Variants in LEPROT observed in about 807,000 individuals in gnomAD.
The protein encoded by LEPROT is leptin receptor gene-related protein.
A neutral mutation model predicts 15.4 loss-of-function variants in LEPROT; 3 were observed. That is an observed-to-expected ratio of 0.19 (90% CI 0.09 to 0.50). The LOEUF is 0.50. Among genes scored for constraint, LEPROT ranks in the 20% least tolerant of loss-of-function variants. The pLI is 0.97. For synonymous variants in LEPROT, 59 were observed against 57.5 expected (o/e 1.03, Z -0.12); for missense variants, 137 against 162.2 (o/e 0.84, Z 0.84).
chr1:65,434,218 A>T lies in LEPROT; in HGVS notation c.*2299A>T. 1 of 980,000 alleles carries T rather than the reference A, an allele frequency of 1.0e-6. No homozygotes were observed. The highest frequency in any genetic ancestry group is 1.2e-6 in the Non-Finnish European group (1 of 824,984). 60.7% of individuals were successfully genotyped at this position (980,000 alleles called of 1,614,324 possible). A position where few individuals can be genotyped will look rare whatever the true frequency, so the allele number is the denominator to read the frequency against. ...TTCTGCAGTGCCTAAATATCATTTA[A>T]ACAGTAAATATTAATAGGAAATATT... On this transcript the variant is annotated 3_prime_UTR_variant, in exon 4 of 4. Coordinates refer to ENST00000371065, the MANE Select transcript of LEPROT (RefSeq NM_017526.5).
At chr1:65,420,869 G>C in intron 1 of LEPROT, 129 bp downstream of exon 1, 1 of 1,193,722 alleles carries the variant, frequency 8.4e-7, no homozygotes, top group Non-Finnish European at 1.2e-6. Context: ...TCTCCGGTTC[G>C]GGAGGCGATC....
At chr1:65,422,351 C>T (rs1192518490) in intron 1 of LEPROT, among the ~76,000 whole-genome samples, 1 of 152,130 alleles carries the variant, frequency 6.6e-6, no homozygotes, top group Non-Finnish European at 1.5e-5. Context: ...ACCATGCTGG[C>T]AACCACTGAG....
Position 65,435,162 on chromosome 1 carries a change from G to A in LEPROT, c.*3243G>A. The stretch of plus-strand genomic sequence containing the variant: ...ATCTCTTCCTCAGGAGGAGTTCTGA[G>A]CTGGTCCTGCTTTTCATAGTTGTTT... On this transcript the variant is annotated 3_prime_UTR_variant, in exon 4 of 4. Coordinates refer to ENST00000371065, the MANE Select transcript of LEPROT (RefSeq NM_017526.5). The A allele has an allele frequency of 1.0e-6, 1 of 985,392 alleles. No individual in the cohort carries two copies. The highest frequency in any genetic ancestry group is 1.2e-6 in the Non-Finnish European group (1 of 829,948). 61.0% of individuals were successfully genotyped at this position (985,392 alleles called of 1,614,324 possible).
intron 2 of LEPROT, among the ~76,000 whole-genome samples, chr1:65,428,979 T>A (rs1646432417): frequency 6.6e-6 from 1 of 152,178 alleles, no homozygotes; most frequent in South Asian, 2.1e-4. Context: ...TTTTCATGCC[T>A]TCCGTACTTA....
chr1:65,434,835 TCTC>T lies in LEPROT; in HGVS notation c.*2921_*2923del. ...TTCATATTCCAGAGTCACCCACCCT[TCTC>T]CTCCCATTAGTCAGTTCTCTAAGTA... On this transcript the variant is annotated 3_prime_UTR_variant, in exon 4 of 4. Transcript: ENST00000371065. 2 of 985,408 alleles carry T rather than the reference TCTC, an allele frequency of 2.0e-6. No homozygotes were observed. Among genetic ancestry groups the T allele is most frequent in the East Asian group, 2.3e-4 (2 of 8,808 alleles). 61.0% of individuals were successfully genotyped at this position (985,408 alleles called of 1,614,324 possible). A position where few individuals can be genotyped will look rare whatever the true frequency, so the allele number is the denominator to read the frequency against.
chr1:65,424,174 T>C (rs1273807127), intron 1 of LEPROT, among the ~76,000 whole-genome samples: 1 of 152,180 alleles, frequency 6.6e-6, no homozygotes, highest in East Asian at 1.9e-4. Flanking sequence ...GGCAAATACG[T>C]TCCTACTCCC....
At chr1:65,421,995 G>A (rs1311560579) in intron 1 of LEPROT, among the ~76,000 whole-genome samples, 2 of 152,160 alleles carry the variant, frequency 1.3e-5, no homozygotes, top group African/African-American at 4.8e-5. Flanking sequence ...GTTATTGGTG[G>A]GTGACAGAGC....
rs1403955167 is a variant in LEPROT, at chr1:65,435,970, G to A, written c.*4051G>A. 2.0e-6 allele frequency: 2 copies of A among 984,910 alleles called. No individual in the cohort carries two copies. Among genetic ancestry groups the A allele is most frequent in the Non-Finnish European group, 1.2e-6 (1 of 829,460 alleles). The allele number at this position is 984,910 out of a possible 1,614,324, so 61.0% of individuals were successfully genotyped here. A position where few individuals can be genotyped will look rare whatever the true frequency, so the allele number is the denominator to read the frequency against. On this transcript the variant is annotated 3_prime_UTR_variant, in exon 4 of 4. Coordinates refer to ENST00000371065, the MANE Select transcript of LEPROT (RefSeq NM_017526.5). ...AACCCCAAATGTGATGTGAGAGGAC[G>A]ATTACTTTGTAAATAAAACTTGTTA...
Position 65,434,892 on chromosome 1 carries a change from AAGC to A in LEPROT, c.*2976_*2978del. 1.0e-6 allele frequency: 1 copy of A among 985,484 alleles called. No homozygotes were observed. Among genetic ancestry groups the A allele is most frequent in the Non-Finnish European group, 1.2e-6 (1 of 829,940 alleles). 61.0% of individuals were successfully genotyped at this position (985,484 alleles called of 1,614,324 possible). A position where few individuals can be genotyped will look rare whatever the true frequency, so the allele number is the denominator to read the frequency against. The stretch of plus-strand genomic sequence containing the variant: ...CTGATGTCATGTGGTGCTGAGAAGA[AAGC>A]AGATCACACTTCATCACAGAAAGAA... On this transcript the variant is annotated 3_prime_UTR_variant, in exon 4 of 4. Transcript: ENST00000371065.
At chr1:65,421,211 C>G (rs1232169947) in intron 1 of LEPROT, 1 of 1,099,336 alleles carries the variant, frequency 9.1e-7, no homozygotes, top group Non-Finnish European at 1.2e-6. Flanking sequence ...CAGAGTTGAC[C>G]GCGGGCGGGT....
chr1:65,427,773 G>GT (rs1283224342), intron 2 of LEPROT: 12 of 403,086 alleles, frequency 3.0e-5, no homozygotes, highest in African/African-American at 2.5e-4. Flanking sequence ...TTAATTTTTT[G>GT]TTTTTTAGAG....
chr1:65,432,290 G>A lies in LEPROT; in HGVS notation c.*371G>A. On this transcript the variant is annotated 3_prime_UTR_variant, in exon 4 of 4. Transcript: ENST00000371065. ...GCTGAAGCAGGCCTCTCATGACCCAGGAAGGCCGGGGTGGATCCCTCTTTG... is the reference window on the plus strand; with the variant it reads ...GCTGAAGCAGGCCTCTCATGACCCAAGAAGGCCGGGGTGGATCCCTCTTTG... The A allele has an allele frequency of 1.0e-6, 1 of 995,610 alleles. No individual in the cohort carries two copies. The highest frequency in any genetic ancestry group is 1.2e-6 in the Non-Finnish European group (1 of 836,634). The allele number at this position is 995,610 out of a possible 1,614,324, so 61.7% of individuals were successfully genotyped here.
chr1:65,432,179 T>G lies in LEPROT; in HGVS notation c.*260T>G. The G allele has an allele frequency of 8.9e-7, 1 of 1,127,442 alleles. No homozygotes were observed. 69.8% of individuals were successfully genotyped at this position (1,127,442 alleles called of 1,614,324 possible). On this transcript the variant is annotated 3_prime_UTR_variant, in exon 4 of 4. Coordinates refer to ENST00000371065, the MANE Select transcript of LEPROT (RefSeq NM_017526.5). ...GTAGTCACGGTGCTCTCAGAAAATA[T>G]ATTAACGCAGTCTTGTAGGCAGCTG... is the stretch of plus-strand genomic sequence containing the variant.
chr1:65,427,169 C>G (rs1386331975), intron 2 of LEPROT, among the ~76,000 whole-genome samples: 1 of 152,168 alleles, frequency 6.6e-6, no homozygotes, highest in Non-Finnish European at 1.5e-5. Flanking sequence ...AGAGCCTTCA[C>G]AGCAATTACT....
rs746837693 is a variant in LEPROT, at chr1:65,425,292, A to T, written c.17-11A>T. Reference sequence around the variant, plus strand: ...TGTGGGAACTTTAACTTTTGGCTTTATTTTTCACAGCTCTCGTGGCATTAT... The same window carrying T: ...TGTGGGAACTTTAACTTTTGGCTTTTTTTTTCACAGCTCTCGTGGCATTAT... On this transcript the variant is annotated splice_polypyrimidine_tract_variant and intron_variant, in intron 1 of 3. Coordinates refer to ENST00000371065, the MANE Select transcript of LEPROT (RefSeq NM_017526.5). The T allele has an allele frequency of 4.3e-6, 7 of 1,611,264 alleles. No homozygotes were observed. In the African/African-American group the frequency reaches 9.4e-5, roughly 22 times the overall value.
intron 2 of LEPROT, among the ~76,000 whole-genome samples, chr1:65,426,527 G>A (rs1243034895): frequency 4.6e-5 from 7 of 152,064 alleles, no homozygotes; most frequent in Admixed American, 1.3e-4. Context: ...AATAGTAGGG[G>A]ACTACTATCA....
intron 1 of LEPROT, among the ~76,000 whole-genome samples, chr1:65,424,619 G>A (rs1029752948): frequency 2.6e-5 from 4 of 152,180 alleles, no homozygotes; most frequent in African/African-American, 7.2e-5. Flanking sequence ...ATTTTAGACT[G>A]GGTGGCTTAA....
chr1:65,432,543 T>C lies in LEPROT; in HGVS notation c.*624T>C. 1 of 848,238 alleles carries C rather than the reference T, an allele frequency of 1.2e-6. No homozygotes were observed. The highest frequency in any genetic ancestry group is 1.4e-6 in the Non-Finnish European group (1 of 706,446). 52.5% of individuals were successfully genotyped at this position (848,238 alleles called of 1,614,324 possible). On this transcript the variant is annotated 3_prime_UTR_variant, in exon 4 of 4. Coordinates refer to ENST00000371065, the MANE Select transcript of LEPROT (RefSeq NM_017526.5). ...CAGTGGCTAAACCACTTAACCTCTCTGGGTGTTACCTGCTCATTTGTTTAA... is the reference window on the plus strand; with the variant it reads ...CAGTGGCTAAACCACTTAACCTCTCCGGGTGTTACCTGCTCATTTGTTTAA...
At chr1:65,429,332 A>G (rs1646441418) in intron 2 of LEPROT, among the ~76,000 whole-genome samples, 2 of 152,300 alleles carry the variant, frequency 1.3e-5, no homozygotes, top group South Asian at 2.1e-4. Context: ...CAAGGGACAG[A>G]AAAAAGGCTG....
Sources: allele counts gnomAD v4.1 joint callset (sites outside exome capture counted in the v4.1 genomes callset), GRCh38; gene constraint gnomAD v4.1.1; transcripts MANE v1.5; gene names NCBI Gene and HGNC (gene_info 2026-07-23, HGNC 2026-07-21).